Variants in PTPRA observed in about 807,000 individuals in gnomAD.
The protein encoded by PTPRA is protein tyrosine phosphatase receptor type A, also known as receptor-type tyrosine-protein phosphatase alpha.
Under a neutral mutation model 104.8 loss-of-function variants are expected in PTPRA, and 25 were observed. The ratio of observed to expected loss-of-function variants is 0.24; its 90% CI spans 0.17 to 0.33. The LOEUF is 0.33. Among genes scored for constraint, PTPRA ranks in the 10% least tolerant of loss-of-function variants. The pLI is 1.00. For synonymous variants in PTPRA, 323 were observed against 368.9 expected (o/e 0.88, Z 1.43); for missense variants, 765 against 1,015.3 (o/e 0.75, Z 3.35).
rs780573916 is a variant in PTPRA at position 2,988,014 on chromosome 20, TGA to T, written c.528-17_528-16del. On this transcript the variant is annotated splice_polypyrimidine_tract_variant and intron_variant, in intron 7 of 23. Transcript: ENST00000399903. Reference sequence around the variant, plus strand: ...CACCTCTGTGCTCCATTCTTCACTGTGATCATTTTCTCATTAGGTTTAAGAAA... The same window carrying T: ...CACCTCTGTGCTCCATTCTTCACTGTTCATTTTCTCATTAGGTTTAAGAAA... 1 of 1,536,892 alleles carries T rather than the reference TGA, an allele frequency of 6.5e-7. No individual in the cohort carries two copies. The highest frequency in any genetic ancestry group is 1.1e-5 in the South Asian group (1 of 89,466).
Position 3,019,393 on chromosome 20 carries a change from C to G in PTPRA, c.1041+1480C>G, listed in dbSNP as rs2064712033. 2.0e-5 allele frequency among the ~76,000 whole-genome samples: 3 copies of G among 149,604 alleles called. No homozygotes were observed. The South Asian group carries it at 6.4e-4, about 32-fold the overall frequency. On this transcript the variant is annotated intron_variant, in intron 13 of 23. Transcript: ENST00000399903. ...CTGGGCGGAGGGGCTCCTCACTTCTCAGACGGGGCGGTTGCCAGGCAGAGG... is the reference window on the plus strand; with the variant it reads ...CTGGGCGGAGGGGCTCCTCACTTCTGAGACGGGGCGGTTGCCAGGCAGAGG...
At chr20:3,002,593 CT>C (rs1239521090) in intron 9 of PTPRA, among the ~76,000 whole-genome samples, 10 of 152,190 alleles carry the variant, frequency 6.6e-5, no homozygotes, top group African/African-American at 1.9e-4. Flanking sequence ...TCCCAAAGTG[CT>C]GGGATTACAG....
chr20:3,035,469 G>A lies in PTPRA; in HGVS notation c.1921-116G>A, dbSNP rs920895997. On this transcript the variant is annotated intron_variant, in intron 20 of 23. Coordinates refer to ENST00000399903, the MANE Select transcript of PTPRA (RefSeq NM_001385305.1). The surrounding 1 kb of genome is among the most constrained non-coding windows in gnomAD (Gnocchi z 5.8). ...TGCAAGTTTTCAATACCTTGGGGAC[G>A]AAGCGTATCAGCGTAAGAGGTGGCT... 4.9e-6 allele frequency: 6 copies of A among 1,226,386 alleles called. No homozygotes were observed. Among genetic ancestry groups the A allele is most frequent in the African/African-American group, 4.5e-5 (3 of 66,108 alleles). The allele number at this position is 1,226,386 out of a possible 1,614,324, so 76.0% of individuals were successfully genotyped here.
At chr20:2,874,820 A>G (rs622601) in intron 1 of PTPRA, among the ~76,000 whole-genome samples, 28,307 of 151,974 alleles carry the variant, frequency 0.19, 3,912 homozygotes, top group African/African-American at 0.39. Flanking sequence ...TCTTGCCTCA[A>G]TTTACTCCTT....
intron 23 of PTPRA, 44 bp from the exon 24 acceptor site, chr20:3,038,015 G>A (rs772827868): frequency 2.0e-6 from 3 of 1,494,546 alleles, no homozygotes; most frequent in Non-Finnish European, 2.8e-6. Flanking sequence ...GGTACTGTGT[G>A]TTCTTCAGTA....
chr20:3,007,497 G>A (rs2063931112), intron 11 of PTPRA, 77 bp downstream of exon 11: 1 of 1,428,770 alleles, frequency 7.0e-7, no homozygotes, highest in African/African-American at 1.4e-5. Flanking sequence ...CCAGCTGTGT[G>A]TTAGGAGAAA....
intron 20 of PTPRA, among the ~76,000 whole-genome samples, chr20:3,034,128 A>G (rs187300328): frequency 6.6e-6 from 1 of 151,956 alleles, no homozygotes; most frequent in East Asian, 2.0e-4. Flanking sequence ...AAAATTAGCT[A>G]GGCATGGTGG....
chr20:2,960,341 C>G (rs912895500), intron 3 of PTPRA, among the ~76,000 whole-genome samples: 2 of 151,466 alleles, frequency 1.3e-5, no homozygotes, highest in Non-Finnish European at 2.9e-5. Context: ...GCTCCACCTC[C>G]CGGGTTCATG....
At position 2,912,404 on chromosome 20, in the gene PTPRA, G is replaced by T. The variant is rs183839058; in HGVS notation, c.-128-10803G>T. 5.9e-5 allele frequency among the ~76,000 whole-genome samples: 9 copies of T among 151,776 alleles called. No homozygotes were observed. The South Asian group carries it at 1.7e-3, about 28-fold the overall frequency. ...TTTGGGAGGCCGAGGCAAGTGGATT[G>T]CTTGAGCTCAGGAGTTCAAGACCAG... On this transcript the variant is annotated intron_variant, in intron 1 of 23. Transcript: ENST00000399903.
intron 1 of PTPRA, among the ~76,000 whole-genome samples, chr20:2,897,686 C>A (rs1269983476): frequency 6.6e-6 from 1 of 152,054 alleles, no homozygotes; most frequent in South Asian, 2.1e-4. Flanking sequence ...CCGTGCCCAG[C>A]CAATCACTTG....
chr20:2,898,079 AT>A, intron 1 of PTPRA, among the ~76,000 whole-genome samples: 1 of 148,994 alleles, frequency 6.7e-6, no homozygotes, highest in South Asian at 2.1e-4. Context: ...CACCTGGCTA[AT>A]TTTTCTATTT....
rs1262326859 is a variant in PTPRA at position 2,965,169 on chromosome 20, G to A, written c.382G>A (p.Ala128Thr). ...TEPWEGNSST[A>T]ATTPETFPPS... ...ACCCTGGGAGGGGAATTCCAGCACCGCAGCAACCACTCCAGAAACTTTCCC... is the reference window on the plus strand; with the variant it reads ...ACCCTGGGAGGGGAATTCCAGCACCACAGCAACCACTCCAGAAACTTTCCC... The change falls in exon 5 of 24, where the codon GCA becomes ACA. Residue 128 changes from alanine to threonine, a missense_variant. Around this residue, in one of 4 missense-constraint regions of PTPRA, gnomAD observed 256 missense variants for 248.9 expected, o/e 1.03. Coordinates refer to ENST00000399903, the MANE Select transcript of PTPRA (RefSeq NM_001385305.1). 5.6e-6 allele frequency: 9 copies of A among 1,613,884 alleles called. No homozygotes were observed. Among genetic ancestry groups the A allele is most frequent in the East Asian group, 4.5e-5 (2 of 44,884 alleles).
intron 1 of PTPRA, among the ~76,000 whole-genome samples, chr20:2,884,794 G>GT (rs954851827): frequency 5.8e-5 from 7 of 120,566 alleles, no homozygotes; most frequent in East Asian, 6.4e-4. Flanking sequence ...TAACTCTCTG[G>GT]TTTTTTTTGT....
In PTPRA at chr20:2,954,187, C is replaced by T. The variant is rs1446370836; in HGVS notation, c.-7+6163C>T. On this transcript the variant is annotated intron_variant, in intron 3 of 23. Coordinates refer to ENST00000399903, the MANE Select transcript of PTPRA (RefSeq NM_001385305.1). ...CCTCTTCCTGGGTTCAAGTGATTTTCCTGCCTCAGCCTCCTGAGTAGCTGG... is the reference window on the plus strand; with the variant it reads ...CCTCTTCCTGGGTTCAAGTGATTTTTCTGCCTCAGCCTCCTGAGTAGCTGG... Among the ~76,000 whole-genome samples the T allele has an allele frequency of 2.0e-5, 3 of 148,930 alleles. No individual in the cohort carries two copies. In the South Asian group the frequency reaches 6.3e-4, roughly 31 times the overall value.
At chr20:2,892,289 CAAAAAAA>C (rs34741114) in intron 1 of PTPRA, among the ~76,000 whole-genome samples, 2 of 80,552 alleles carry the variant, frequency 2.5e-5, no homozygotes, top group South Asian at 3.9e-4. Context: ...GACTCTGTCT[CAAAAAAA>C]AAAAAAAAAA....
intron 6 of PTPRA, among the ~76,000 whole-genome samples, chr20:2,982,340 G>C (rs2062713007): frequency 1.3e-5 from 2 of 152,132 alleles, no homozygotes; most frequent in African/African-American, 4.8e-5. Flanking sequence ...ACCCGCCTCG[G>C]CCTCCCAAAG....
chr20:2,865,214 T>C, the PTPRA span: 1 of 1,614,154 alleles, frequency 6.2e-7, no homozygotes, highest in Admixed American at 1.7e-5. The surrounding 1 kb of genome is among the most constrained non-coding windows in gnomAD (Gnocchi z 5.2). Context: ...GGGGGGCCAG[T>C]TCCTAGACCT....
chr20:2,988,509 G>T (rs781012795), intron 9 of PTPRA, 35 bp downstream of exon 9: 2 of 1,602,472 alleles, frequency 1.2e-6, no homozygotes, highest in East Asian at 4.5e-5. Flanking sequence ...TATCAGCAGG[G>T]AAGAAGGCAG....
intron 22 of PTPRA, among the ~76,000 whole-genome samples, chr20:3,036,232 G>C (rs936881511): frequency 4.6e-5 from 7 of 152,218 alleles, no homozygotes; most frequent in Admixed American, 2.6e-4. Context: ...GGGTGAAAGA[G>C]AAGAGGAGTC....
Sources: allele counts gnomAD v4.1 joint callset (sites outside exome capture counted in the v4.1 genomes callset), GRCh38; gene constraint gnomAD v4.1.1; regional missense constraint gnomAD v4.1.1; non-coding constraint Gnocchi (gnomAD v3.1); transcripts MANE v1.5; gene names NCBI Gene and HGNC (gene_info 2026-07-23, HGNC 2026-07-21).